Variants in FOXP4 observed in about 807,000 individuals in gnomAD.
FOXP4 encodes forkhead box P4, also known as forkhead box protein P4.
In FOXP4, 25 loss-of-function variants were observed where a neutral mutation model predicts 82.6. The observed-to-expected ratio is 0.30, with a 90% CI of 0.22 to 0.42. The LOEUF is 0.42. Ranked by LOEUF, FOXP4 falls within the 10% of genes least tolerant of loss-of-function variation. FOXP4 has a pLI of 1.00. For missense variants in FOXP4, 785 were observed against 900.9 expected (o/e 0.87, Z 1.65); for synonymous variants, 415 against 388.2 (o/e 1.07, Z -0.81).
chr6:41,557,500 A>G (rs1764339737), intron 1 of FOXP4, among the ~76,000 whole-genome samples: 1 of 152,156 alleles, frequency 6.6e-6, no homozygotes, highest in Non-Finnish European at 1.5e-5. Context: ...TAGATGTCCA[A>G]CTCTAGGGGA....
Position 41,600,408 on chromosome 6 carries a change from T to G in FOXP4, c.*1472T>G, listed in dbSNP as rs748617482. ...AGACCCCCTATGGGGGACCCCCAACTCAAGGCCAAGGACTGGGCGTATCGG... is the reference window on the plus strand; with the variant it reads ...AGACCCCCTATGGGGGACCCCCAACGCAAGGCCAAGGACTGGGCGTATCGG... On this transcript the variant is annotated 3_prime_UTR_variant, in exon 17 of 17. Transcript: ENST00000307972. 6.6e-6 allele frequency: 1 copy of G among 152,510 alleles called. No individual in the cohort carries two copies. The highest frequency in any genetic ancestry group is 1.5e-5 in the Non-Finnish European group (1 of 68,072). The allele number at this position is 152,510 out of a possible 1,614,324, so 9.4% of individuals were successfully genotyped here. A position where few individuals can be genotyped will look rare whatever the true frequency, so the allele number is the denominator to read the frequency against.
chr6:41,574,294 C>T (rs1765356336), intron 2 of FOXP4, among the ~76,000 whole-genome samples: 1 of 152,192 alleles, frequency 6.6e-6, no homozygotes, highest in South Asian at 2.1e-4. Flanking sequence ...GTGGAGTAAG[C>T]CCTGAGCAGT....
intron 5 of FOXP4, among the ~76,000 whole-genome samples, chr6:41,586,761 C>T (rs957159733): frequency 6.6e-6 from 1 of 151,984 alleles, no homozygotes; most frequent in African/African-American, 2.4e-5. Flanking sequence ...CGTCGTGCTG[C>T]GTGTCTGGGT....
Position 41,587,299 on chromosome 6 carries a change from C to G in FOXP4, c.659C>G (p.Ala220Gly). The change falls in exon 7 of 17, where the codon GCA (alanine) becomes GGA (glycine). Residue 220 changes from alanine to glycine, a missense_variant and splice_region_variant. Ala to Gly is a moderately conservative substitution (Grantham distance 60). Transcript: ENST00000307972. Reference protein sequence around the residue: ...ASGPLQTLPQAAVCPTDLPQL... With the variant: ...ASGPLQTLPQGAVCPTDLPQL... ...CCAGCCTCCCCTGTCTCTCCCACAG[C>G]AGCTGTTTGCCCAACAGACCTGCCC... is the stretch of plus-strand genomic sequence containing the variant. The G allele has an allele frequency of 6.2e-7, 1 of 1,612,668 alleles. No homozygotes were observed. Among genetic ancestry groups the G allele is most frequent in the Non-Finnish European group, 8.5e-7 (1 of 1,179,878 alleles).
chr6:41,560,360 C>G (rs531091864), intron 1 of FOXP4, among the ~76,000 whole-genome samples: 3 of 152,344 alleles, frequency 2.0e-5, no homozygotes, highest in Admixed American at 2.0e-4. Context: ...AGGCTGTCAG[C>G]TGGGCCACGT....
At position 41,577,822 on chromosome 6, in the gene FOXP4, C is replaced by T. The variant is rs140317297; in HGVS notation, c.205-164C>T. Among the ~76,000 whole-genome samples the T allele has an allele frequency of 5.9e-5, 9 of 152,270 alleles. No individual in the cohort carries two copies. In the East Asian group the frequency reaches 1.7e-3, roughly 29 times the overall value. ...GAACCCCAACAGCTCTTCTCAGTGA[C>T]TTCTACTACCCTTACCCCAAGCCCT... On this transcript the variant is annotated intron_variant, in intron 2 of 16. Transcript: ENST00000307972.
chr6:41,596,144 C>T (rs983626519), intron 14 of FOXP4, among the ~76,000 whole-genome samples: 7 of 152,188 alleles, frequency 4.6e-5, no homozygotes, highest in African/African-American at 9.7e-5. Context: ...GTGATCTGCC[C>T]GCATCGGCCT....
chr6:41,589,926 CGGGCACT>C (rs1766397794), intron 10 of FOXP4, 30 bp from the exon 11 acceptor site: 1 of 1,610,560 alleles, frequency 6.2e-7, no homozygotes, highest in South Asian at 1.1e-5. Context: ...CCCCCACCCT[CGGGCACT>C]GGTCTCAGTA....
intron 3 of FOXP4, among the ~76,000 whole-genome samples, chr6:41,579,163 G>A (rs774433328): frequency 6.6e-6 from 1 of 152,142 alleles, no homozygotes; most frequent in Non-Finnish European, 1.5e-5. Flanking sequence ...CAGATGTGCA[G>A]CCTTAACAGT....
In FOXP4 at chr6:41,572,261, ATGT is replaced by A. The variant is rs372543914; in HGVS notation, c.205-5721_205-5719del. Reference sequence around the variant, plus strand: ...CCCTTGGAAGAGTTGCCTCCTCCTGATGTTGTGTCTCCTCAGAGAGGCCTTCCC... The same window carrying A: ...CCCTTGGAAGAGTTGCCTCCTCCTGATGTGTCTCCTCAGAGAGGCCTTCCC... On this transcript the variant is annotated intron_variant, in intron 2 of 16. Transcript: ENST00000307972. Among the ~76,000 whole-genome samples, 43 of 152,002 alleles carry A rather than the reference ATGT, an allele frequency of 2.8e-4. No homozygotes were observed. In the East Asian group the frequency reaches 7.0e-3, roughly 25 times the overall value.
At chr6:41,575,880 C>G (rs75369840) in intron 2 of FOXP4, among the ~76,000 whole-genome samples, 5,834 of 152,196 alleles carry the variant, frequency 0.038, 161 homozygotes, top group South Asian at 0.074. Context: ...TTCCCCTACC[C>G]TTGTGCCCTG....
chr6:41,554,900 C>T (rs889985883), intron 1 of FOXP4, among the ~76,000 whole-genome samples: 5 of 151,766 alleles, frequency 3.3e-5, no homozygotes, highest in African/African-American at 1.2e-4. Flanking sequence ...AAGAAGATCT[C>T]AGAGAGAGGA....
intron 1 of FOXP4, among the ~76,000 whole-genome samples, chr6:41,551,694 C>T (rs1372772995): frequency 2.0e-5 from 3 of 152,206 alleles, no homozygotes; most frequent in Non-Finnish European, 1.5e-5. Context: ...GACCATCCGG[C>T]ATTTGTTCAA....
rs978943312 is a variant in FOXP4, at chr6:41,546,874, G to A, written c.-17+7G>A. On this transcript the variant is annotated splice_region_variant and intron_variant, in intron 1 of 16. Transcript: ENST00000307972. ...GAGCGGCCGGGCGGGACAGGTAGGT[G>A]GCGGGTCGGGCCCAGGGACGTGGGT... 1 of 150,338 alleles carries A rather than the reference G, an allele frequency of 6.7e-6. No homozygotes were observed. The highest frequency in any genetic ancestry group is 2.4e-5 in the African/African-American group (1 of 41,180). 9.3% of individuals were successfully genotyped at this position (150,338 alleles called of 1,614,324 possible).
Position 41,590,354 on chromosome 6 carries a change from AG to A in FOXP4, c.1434+10del. On this transcript the variant is annotated splice_region_variant and intron_variant, in intron 12 of 16. Transcript: ENST00000307972. ...CGCCTCCCTCATCCGCCAGGTGAGC[AG>A]GGCAGGTAGGAGGAGGGTGGGGAAT... The A allele has an allele frequency of 6.2e-7, 1 of 1,613,374 alleles. No individual in the cohort carries two copies. The highest frequency in any genetic ancestry group is 1.3e-5 in the African/African-American group (1 of 75,016).
intron 5 of FOXP4, among the ~76,000 whole-genome samples, chr6:41,585,988 G>A (rs1185745753): frequency 1.3e-5 from 2 of 150,958 alleles, no homozygotes; most frequent in South Asian, 2.1e-4. Flanking sequence ...GCCACCCCTC[G>A]GTCTCCTCTC....
intron 1 of FOXP4, among the ~76,000 whole-genome samples, chr6:41,563,631 G>A (rs1764714012): frequency 6.6e-6 from 1 of 152,152 alleles, no homozygotes; most frequent in African/African-American, 2.4e-5. Flanking sequence ...TGACCTCTTT[G>A]GGTCTCAATG....
chr6:41,594,073 C>T (rs1422063513), intron 13 of FOXP4, among the ~76,000 whole-genome samples: 3 of 152,182 alleles, frequency 2.0e-5, no homozygotes, highest in South Asian at 4.1e-4. Context: ...GGCCCTAGTC[C>T]GGGCTCCCAT....
rs576874924 is a variant in FOXP4, at chr6:41,564,555, G to A, written c.-16-1190G>A. Among the ~76,000 whole-genome samples, 13 of 152,288 alleles carry A rather than the reference G, an allele frequency of 8.5e-5. No homozygotes were observed. The East Asian group carries it at 2.5e-3, about 29-fold the overall frequency. ...CCCAAACACATACCCTCTCTTTCTA[G>A]GGGGATGTTTCAGCCACTCCTTGAG... On this transcript the variant is annotated intron_variant, in intron 1 of 16. Transcript: ENST00000307972.
Sources: allele counts gnomAD v4.1 joint callset (sites outside exome capture counted in the v4.1 genomes callset), GRCh38; gene constraint gnomAD v4.1.1; transcripts MANE v1.5; gene names NCBI Gene and HGNC (gene_info 2026-07-23, HGNC 2026-07-21).